Variants in RASGRF2 observed in about 807,000 individuals in gnomAD.
RASGRF2 encodes the protein Ras protein specific guanine nucleotide releasing factor 2, also known as ras-specific guanine nucleotide-releasing factor 2.
RASGRF2 carries 76 observed loss-of-function variants against 151.0 expected under a neutral mutation model. The observed-to-expected ratio is 0.50, with a 90% CI of 0.42 to 0.61. The LOEUF (loss-of-function observed/expected upper bound fraction) is 0.61. Among genes scored for constraint, RASGRF2 ranks in the 20% least tolerant of loss-of-function variants. The probability of loss-of-function intolerance (pLI) is 0.00; values close to 1 mark genes in which losing one functional copy is unlikely to be tolerated. For missense variants in RASGRF2, 1,148 were observed against 1,564.6 expected (o/e 0.73, Z 4.49); for synonymous variants, 504 against 566.5 (o/e 0.89, Z 1.57).
chr5:81,092,837 A>T lies in RASGRF2; in HGVS notation c.1427A>T (p.Lys476Ile). The T allele has an allele frequency of 1.2e-6, 2 of 1,613,720 alleles. No homozygotes were observed. Among genetic ancestry groups the T allele is most frequent in the Non-Finnish European group, 1.7e-6 (2 of 1,179,676 alleles). Residue 476 changes from lysine (K) to isoleucine (I), a missense_variant, in exon 10 of 27, where the codon AAA becomes ATA. Transcript: ENST00000265080. Reference protein sequence around the residue: ...LIQVPSVERGKLSKVRLGSLS... With the variant: ...LIQVPSVERGILSKVRLGSLS... ...CAAGTACCTTCCGTTGAGAGGGGGA[A>T]ACTTAGTAAAGTTCGCCTGGGTTCG...
Position 81,113,692 on chromosome 5 carries a change from AC to A in RASGRF2, c.2243del (p.Thr748IlefsTer4). On this transcript the variant is annotated frameshift_variant, in exon 15 of 27. Coordinates refer to ENST00000265080, the MANE Select transcript of RASGRF2 (RefSeq NM_006909.3). LOFTEE classifies it high-confidence loss of function. The stretch of plus-strand genomic sequence containing the variant: ...AGTGAGGGCCAGAAAGCTGTCTTTG[AC>A]TTCTCCCTTGAACTCAAAGATAGGA... Reference protein sequence around the residue: ...SPVRARKLSLTSPLNSKIGAL... With the variant: ...SPVRARKLSLXSPLNSKIGAL... The A allele has an allele frequency of 6.2e-7, 1 of 1,613,530 alleles. No individual in the cohort carries two copies. The highest frequency in any genetic ancestry group is 8.5e-7 in the Non-Finnish European group (1 of 1,179,530).
chr5:81,112,664 C>T lies in RASGRF2; in HGVS notation c.1893C>T (p.Leu631=). 1.2e-6 allele frequency: 2 copies of T among 1,614,228 alleles called. No homozygotes were observed. Among genetic ancestry groups the T allele is most frequent in the Non-Finnish European group, 1.7e-6 (2 of 1,180,046 alleles). ...DDTDICFSKT[L]NSCKVPQIRY... ...CTGACATTTGCTTCAGTAAAACACT[C>T]AACTCCTGCAAAGTGCCCCAGATCC... is the stretch of plus-strand genomic sequence containing the variant. Residue 631 remains leucine, a synonymous_variant, in exon 14 of 27, where the codon CTC becomes CTT. Coordinates refer to ENST00000265080, the MANE Select transcript of RASGRF2 (RefSeq NM_006909.3).
At chr5:81,099,381 C>T (rs527826947) in intron 12 of RASGRF2, among the ~76,000 whole-genome samples, 1 of 152,240 alleles carries the variant, frequency 6.6e-6, no homozygotes, top group East Asian at 1.9e-4. Context: ...AATAATTGAG[C>T]GTTGAGTGTA....
intron 1 of RASGRF2, among the ~76,000 whole-genome samples, chr5:81,022,849 C>A (rs1430500829): frequency 6.6e-6 from 1 of 152,208 alleles, no homozygotes; most frequent in African/African-American, 2.4e-5. Flanking sequence ...ACCGCTGTGA[C>A]ATCTGCTATC....
chr5:81,036,392 G>GGAAA, intron 1 of RASGRF2, among the ~76,000 whole-genome samples: 1 of 151,802 alleles, frequency 6.6e-6, no homozygotes, highest in South Asian at 2.1e-4. Context: ...ACACTATGAT[G>GGAAA]GAAATATTGT....
chr5:81,215,867 TC>T lies in RASGRF2; in HGVS notation c.3355-8del, dbSNP rs1262907589. The T allele has an allele frequency of 6.6e-7, 1 of 1,515,440 alleles. No homozygotes were observed. Among genetic ancestry groups the T allele is most frequent in the Non-Finnish European group, 8.8e-7 (1 of 1,142,508 alleles). 93.9% of individuals were successfully genotyped at this position (1,515,440 alleles called of 1,614,324 possible). A position where few individuals can be genotyped will look rare whatever the true frequency, so the allele number is the denominator to read the frequency against. ...TTTCATCACACTAAGTTTTTTCTTTTCTTTTTAGACAAAAGCTCTAATGGAC... is the reference window on the plus strand; with the variant it reads ...TTTCATCACACTAAGTTTTTTCTTTTTTTTTAGACAAAAGCTCTAATGGAC... On this transcript the variant is annotated splice_polypyrimidine_tract_variant and splice_region_variant and intron_variant, in intron 23 of 26. Transcript: ENST00000265080.
At position 81,003,181 on chromosome 5, in the gene RASGRF2, G is replaced by A. The variant is rs149515334; in HGVS notation, c.289-39696G>A. On this transcript the variant is annotated intron_variant, in intron 1 of 26. Coordinates refer to ENST00000265080, the MANE Select transcript of RASGRF2 (RefSeq NM_006909.3). The stretch of plus-strand genomic sequence containing the variant: ...AGTGATTCTTGTGCCTCAGCCTCCC[G>A]AGTAGCGGGATTATGGATGCATGCC... Among the ~76,000 whole-genome samples, 80 of 150,726 alleles carry A rather than the reference G, an allele frequency of 5.3e-4. 2 individuals are homozygous for A. Among genetic ancestry groups the A allele is most frequent in the African/African-American group, 1.8e-3 (72 of 41,036 alleles).
chr5:81,096,705 C>G (rs1051964564), intron 12 of RASGRF2, among the ~76,000 whole-genome samples: 2 of 152,028 alleles, frequency 1.3e-5, no homozygotes, highest in African/African-American at 4.8e-5. Flanking sequence ...CCTTGGAGTG[C>G]GTGAATAATT....
intron 18 of RASGRF2, chr5:81,183,245 A>C (rs1336471814): frequency 1.0e-6 from 1 of 979,694 alleles, no homozygotes; most frequent in African/African-American, 1.7e-5. Context: ...ATGTAGATTT[A>C]CCCACAGATC....
chr5:81,181,976 T>A (rs1400226720), intron 18 of RASGRF2, among the ~76,000 whole-genome samples: 20 of 149,742 alleles, frequency 1.3e-4, no homozygotes, highest in Non-Finnish European at 2.7e-4. Flanking sequence ...GGTGAAAAAA[T>A]TCATAGATGG....
At chr5:81,108,039 T>C (rs1436146227) in intron 12 of RASGRF2, among the ~76,000 whole-genome samples, 1 of 152,246 alleles carries the variant, frequency 6.6e-6, no homozygotes, top group Non-Finnish European at 1.5e-5. Context: ...ATATTCACTC[T>C]TTTATTAGAA....
chr5:80,994,171 C>A (rs961061820), intron 1 of RASGRF2, among the ~76,000 whole-genome samples: 2 of 151,902 alleles, frequency 1.3e-5, no homozygotes, highest in African/African-American at 2.4e-5. Flanking sequence ...CGAGACCATC[C>A]TGGCTAACAC....
chr5:81,029,706 G>A (rs371763606), intron 1 of RASGRF2, among the ~76,000 whole-genome samples: 106 of 152,300 alleles, frequency 7.0e-4, no homozygotes, highest in African/African-American at 2.5e-3. Flanking sequence ...AGAAACAAGA[G>A]CAGAAAAGCT....
rs143050025 is a variant in RASGRF2, at chr5:80,962,860, TG to T, written c.288+1835del. ...ATGAAAAAATTGTTTTCCCTTTTTA[TG>T]ACCATGCAAATGATGAGTATTTCTC... On this transcript the variant is annotated intron_variant, in intron 1 of 26. Transcript: ENST00000265080. 2.6e-3 allele frequency among the ~76,000 whole-genome samples: 399 copies of T among 152,380 alleles called. 4 individuals are homozygous for T. Among genetic ancestry groups the T allele is most frequent in the African/African-American group, 9.2e-3 (383 of 41,588 alleles).
intron 17 of RASGRF2, among the ~76,000 whole-genome samples, chr5:81,155,576 G>A (rs1424359589): frequency 3.3e-5 from 5 of 151,896 alleles, no homozygotes; most frequent in African/African-American, 4.8e-5. Context: ...ACAACTTTAC[G>A]CAAACAAATG....
At chr5:81,173,030 T>G (rs1754693590) in intron 17 of RASGRF2, among the ~76,000 whole-genome samples, 1 of 152,098 alleles carries the variant, frequency 6.6e-6, no homozygotes, top group Admixed American at 6.5e-5. Flanking sequence ...CCAGTTTGAG[T>G]TGGATTTTCT....
At chr5:80,982,725 C>G (rs187541597) in intron 1 of RASGRF2, among the ~76,000 whole-genome samples, 14 of 151,600 alleles carry the variant, frequency 9.2e-5, no homozygotes, top group African/African-American at 3.4e-4. Context: ...CTCAGTCTCC[C>G]GAGTAGCTGG....
chr5:81,106,119 G>A (rs1221023610), intron 12 of RASGRF2, among the ~76,000 whole-genome samples: 2 of 152,112 alleles, frequency 1.3e-5, no homozygotes, highest in Non-Finnish European at 2.9e-5. Context: ...TGGGTGATTC[G>A]AAAGACATTT....
rs10474650 is a variant in RASGRF2 at position 81,167,579 on chromosome 5, G to C, written c.2687-12596G>C. On this transcript the variant is annotated intron_variant, in intron 17 of 26. Transcript: ENST00000265080. ...ACTCAGTGATAGTGGTGTTCTCCTCGCTGGGCTTTCTGTAAGTTCCAACGC... is the reference window on the plus strand; with the variant it reads ...ACTCAGTGATAGTGGTGTTCTCCTCCCTGGGCTTTCTGTAAGTTCCAACGC... Among the ~76,000 whole-genome samples the C allele has an allele frequency of 5.4e-3, 816 of 152,274 alleles. 9 individuals carry two copies. Among genetic ancestry groups the C allele is most frequent in the African/African-American group, 0.019 (778 of 41,570 alleles).
Sources: gnomAD v4.1 joint callset for allele counts (sites outside exome capture counted in the v4.1 genomes callset) on GRCh38, gnomAD v4.1.1 for gene constraint, MANE v1.5 for transcripts, NCBI Gene and HGNC (gene_info 2026-07-23, HGNC 2026-07-21) for gene names.